GFRA2: variants seen among roughly 807,000 people sequenced by gnomAD.
The protein encoded by GFRA2 is GDNF family receptor alpha-2.
In GFRA2, 17 loss-of-function variants were observed where a neutral mutation model predicts 48.3. The observed-to-expected ratio is 0.35, with a 90% CI of 0.24 to 0.53. The LOEUF (loss-of-function observed/expected upper bound fraction) is 0.53. Ranked by LOEUF, GFRA2 falls within the 20% of genes least tolerant of loss-of-function variation. The probability of loss-of-function intolerance (pLI) is 0.93; values close to 1 mark genes in which losing one functional copy is unlikely to be tolerated. For missense variants in GFRA2, 660 were observed against 637.3 expected (o/e 1.04, Z -0.38); for synonymous variants, 305 against 257.2 (o/e 1.19, Z -1.78).
At chr8:21,757,190 A>G (rs1343762722) in intron 3 of GFRA2, among the ~76,000 whole-genome samples, 1 of 152,014 alleles carries the variant, frequency 6.6e-6, no homozygotes, top group Non-Finnish European at 1.5e-5. Flanking sequence ...GGAATGCACA[A>G]CCAGAGGCTG....
At chr8:21,742,911 T>G (rs1585283803) in intron 4 of GFRA2, among the ~76,000 whole-genome samples, 2 of 152,106 alleles carry the variant, frequency 1.3e-5, no homozygotes, top group Admixed American at 6.5e-5. Flanking sequence ...AAAGTTAAGG[T>G]GAAGGCTCTG....
At chr8:21,721,027 G>A (rs1474827026) in intron 4 of GFRA2, among the ~76,000 whole-genome samples, 2 of 151,030 alleles carry the variant, frequency 1.3e-5, no homozygotes, top group Admixed American at 6.6e-5. Flanking sequence ...GGGAGGGGAA[G>A]GGAAGGGAGG....
At chr8:21,807,406 A>G (rs1291085857) in intron 1 of GFRA2, among the ~76,000 whole-genome samples, 2 of 152,346 alleles carry the variant, frequency 1.3e-5, no homozygotes, top group East Asian at 3.9e-4. Flanking sequence ...CTCCAGAACC[A>G]TAAGACAAAT....
rs186981710 is a variant in GFRA2, at chr8:21,693,471, G to C, written c.1273-71C>G. ...CAAAGAAAACAGTCAGGAGGCCTGG[G>C]ACCCGGCAGAGAAACGGACTCAGGA... On this transcript the variant is annotated intron_variant, in intron 8 of 8. Coordinates refer to ENST00000524240, the MANE Select transcript of GFRA2 (RefSeq NM_001495.5). 109 of 1,437,382 alleles carry C rather than the reference G, an allele frequency of 7.6e-5. No individual in the cohort carries two copies. In the East Asian group the frequency reaches 1.6e-3, roughly 22 times the overall value. The allele number at this position is 1,437,382 out of a possible 1,614,324, so 89.0% of individuals were successfully genotyped here.
In GFRA2 at chr8:21,757,656, C is replaced by T. The variant is rs553648413; in HGVS notation, c.440-6714G>A. ...GATTACAGGCGCCTGCCACCACACT[C>T]AGCTAATTATTTTTTGTATTTTTTT... On this transcript the variant is annotated intron_variant, in intron 3 of 8. Coordinates refer to ENST00000524240, the MANE Select transcript of GFRA2 (RefSeq NM_001495.5). Among the ~76,000 whole-genome samples, 120 of 152,192 alleles carry T rather than the reference C, an allele frequency of 7.9e-4. 1 individual carries two copies. The highest frequency in any genetic ancestry group is 2.7e-3 in the African/African-American group (113 of 41,528).
chr8:21,762,485 G>A (rs1049184279), intron 3 of GFRA2, among the ~76,000 whole-genome samples: 22 of 152,050 alleles, frequency 1.4e-4, no homozygotes, highest in Non-Finnish European at 2.9e-5. Context: ...CTCATTCCCA[G>A]CCCTACCATG....
At chr8:21,709,860 C>A (rs762991832) in intron 4 of GFRA2, among the ~76,000 whole-genome samples, 1 of 152,222 alleles carries the variant, frequency 6.6e-6, no homozygotes, top group Non-Finnish European at 1.5e-5. Flanking sequence ...CAGCCCCACA[C>A]GCTGGAGAAG....
At chr8:21,743,108 C>G (rs538627547) in intron 4 of GFRA2, among the ~76,000 whole-genome samples, 1 of 152,274 alleles carries the variant, frequency 6.6e-6, no homozygotes, top group Admixed American at 6.5e-5. Context: ...CTCGGGGACC[C>G]TTGGCCCAGA....
intron 7 of GFRA2, among the ~76,000 whole-genome samples, chr8:21,702,250 C>T (rs959612497): frequency 6.6e-6 from 1 of 152,184 alleles, no homozygotes; most frequent in Non-Finnish European, 1.5e-5. Context: ...GCTCCCCACC[C>T]AGTCGCCAGG....
At chr8:21,706,459 T>G in intron 4 of GFRA2, 3 of 459,144 alleles carry the variant, frequency 6.5e-6, no homozygotes, top group South Asian at 4.6e-5. Context: ...AACCCGGCAC[T>G]GCAAAATCCC....
rs1199502922 is a variant in GFRA2, at chr8:21,714,054, A to G, written c.795-8013T>C. On this transcript the variant is annotated intron_variant, in intron 4 of 8. Coordinates refer to ENST00000524240, the MANE Select transcript of GFRA2 (RefSeq NM_001495.5). Reference sequence around the variant, plus strand: ...GAGACACACAGTTACACTTGGATACATACTTCCCAGCACTATGCTTTGGTC... The same window carrying G: ...GAGACACACAGTTACACTTGGATACGTACTTCCCAGCACTATGCTTTGGTC... Among the ~76,000 whole-genome samples, 6 of 152,240 alleles carry G rather than the reference A, an allele frequency of 3.9e-5. No homozygotes were observed. The South Asian group carries it at 6.2e-4, about 16-fold the overall frequency.
rs551531206 is a variant in GFRA2, at chr8:21,691,356, T to C, written c.*1922A>G. On this transcript the variant is annotated 3_prime_UTR_variant, in exon 9 of 9. Coordinates refer to ENST00000524240, the MANE Select transcript of GFRA2 (RefSeq NM_001495.5). ...GCCAGCAGGCATTCTCCTGGTCCTC[T>C]CTGGGGAGAATCTCTCTTGGAGACT... 1.3e-5 allele frequency: 2 copies of C among 152,384 alleles called. No homozygotes were observed. The highest frequency in any genetic ancestry group is 2.4e-5 in the African/African-American group (1 of 41,578). 9.4% of individuals were successfully genotyped at this position (152,384 alleles called of 1,614,324 possible). A position where few individuals can be genotyped will look rare whatever the true frequency, so the allele number is the denominator to read the frequency against.
At chr8:21,701,863 G>T (rs571977677) in intron 7 of GFRA2, among the ~76,000 whole-genome samples, 3 of 152,142 alleles carry the variant, frequency 2.0e-5, no homozygotes, top group African/African-American at 7.2e-5. Context: ...TGGTGAAGGG[G>T]GCTGGGTGGG....
chr8:21,765,126 T>A (rs1329454918), intron 3 of GFRA2, among the ~76,000 whole-genome samples: 1 of 152,156 alleles, frequency 6.6e-6, no homozygotes, highest in Middle Eastern at 3.2e-3. Context: ...TATTTATTTT[T>A]TTTGAGACAT....
intron 7 of GFRA2, among the ~76,000 whole-genome samples, chr8:21,697,604 T>G (rs1355299922): frequency 6.6e-6 from 1 of 152,164 alleles, no homozygotes; most frequent in Admixed American, 6.5e-5. Context: ...AGTGCCTCCC[T>G]GCCCTCCAGG....
At chr8:21,704,793 G>C (rs1802656351) in intron 6 of GFRA2, among the ~76,000 whole-genome samples, 192 bp downstream of exon 6, 1 of 152,136 alleles carries the variant, frequency 6.6e-6, no homozygotes, top group Non-Finnish European at 1.5e-5. Context: ...GTAAACTGAG[G>C]CTGGCCTACT....
intron 3 of GFRA2, among the ~76,000 whole-genome samples, chr8:21,769,581 C>T (rs1768845838): frequency 1.3e-5 from 2 of 152,280 alleles, no homozygotes; most frequent in African/African-American, 4.8e-5. Flanking sequence ...GGATTCAAAA[C>T]GAGGACTAGC....
rs1805266769 is a variant in GFRA2 at position 21,750,994 on chromosome 8, C to T, written c.440-52G>A. 2 of 1,187,136 alleles carry T rather than the reference C, an allele frequency of 1.7e-6. No individual in the cohort carries two copies. The highest frequency in any genetic ancestry group is 1.5e-5 in the African/African-American group (1 of 66,428). 73.5% of individuals were successfully genotyped at this position (1,187,136 alleles called of 1,614,324 possible). A position where few individuals can be genotyped will look rare whatever the true frequency, so the allele number is the denominator to read the frequency against. On this transcript the variant is annotated intron_variant, in intron 3 of 8. Transcript: ENST00000524240. This position sits in a 1 kb window ranked among gnomAD's most constrained non-coding sequence, Gnocchi z 5.7. ...AGAGGCCACACAAGCATGAGGAGGA[C>T]ACAGCTGCCCCCTCACTGGAAGATG...
chr8:21,712,898 T>G (rs1470979545), intron 4 of GFRA2, among the ~76,000 whole-genome samples: 1 of 152,042 alleles, frequency 6.6e-6, no homozygotes, highest in Non-Finnish European at 1.5e-5. Context: ...TCGCAGGCAC[T>G]CGGCAGGCTG....
Sources: gnomAD v4.1 joint callset for allele counts (sites outside exome capture counted in the v4.1 genomes callset) on GRCh38, gnomAD v4.1.1 for gene constraint, Gnocchi (gnomAD v3.1) non-coding constraint, MANE v1.5 for transcripts, NCBI Gene and HGNC (gene_info 2026-07-23, HGNC 2026-07-21) for gene names.